WDR3: variants seen among roughly 807,000 people sequenced by gnomAD.
WDR3 encodes the protein WD repeat domain 3.
A neutral mutation model predicts 123.7 loss-of-function variants in WDR3; 81 were observed. The ratio of observed to expected loss-of-function variants is 0.65; its 90% confidence interval spans 0.55 to 0.79. The LOEUF is 0.79. Ranked by LOEUF, WDR3 falls within the 30% of genes least tolerant of loss-of-function variation. The probability of loss-of-function intolerance (pLI) is 0.00; values close to 1 mark genes in which losing one functional copy is unlikely to be tolerated. For synonymous variants in WDR3, 390 were observed against 388.8 expected, an observed-to-expected ratio of 1.00 and a Z score of -0.04; for missense variants, 1,027 against 1,123.2, an observed-to-expected ratio of 0.91 and a Z score of 1.22.
Position 117,959,576 on chromosome 1 carries a change from A to G in WDR3, c.*129A>G. 9.5e-7 allele frequency: 1 copy of G among 1,048,044 alleles called. No individual in the cohort carries two copies. 64.9% of individuals were successfully genotyped at this position (1,048,044 alleles called of 1,614,324 possible). On this transcript the variant is annotated 3_prime_UTR_variant, in exon 27 of 27. Coordinates refer to ENST00000349139, the MANE Select transcript of WDR3 (RefSeq NM_006784.3). Reference sequence around the variant, plus strand: ...AGATCGCATTGCAGATGATATCAGGATGTGGTTTCCAGCTTTGCCTGAGGG... The same window carrying G: ...AGATCGCATTGCAGATGATATCAGGGTGTGGTTTCCAGCTTTGCCTGAGGG...
chr1:117,929,988 T>A (rs1650645276), intron 1 of WDR3: 1 of 152,524 alleles, frequency 6.6e-6, no homozygotes, highest in African/African-American at 2.4e-5. Flanking sequence ...CGGTTGCGGG[T>A]GCTGAGCAGA....
At chr1:117,944,314 CTGTT>C (rs1432971413) in intron 11 of WDR3, among the ~76,000 whole-genome samples, 1 of 152,166 alleles carries the variant, frequency 6.6e-6, no homozygotes, top group Non-Finnish European at 1.5e-5. Context: ...CCCTTGCTGT[CTGTT>C]TATTCTCAGT....
intron 22 of WDR3, 53 bp from the exon 23 acceptor site, chr1:117,954,527 T>G: frequency 6.5e-7 from 1 of 1,545,094 alleles, no homozygotes. Flanking sequence ...CTATAACAAG[T>G]GCTACCTAAG....
intron 8 of WDR3, among the ~76,000 whole-genome samples, 192 bp downstream of exon 8, chr1:117,941,417 G>A (rs953387046): frequency 2.0e-5 from 3 of 152,128 alleles, no homozygotes; most frequent in African/African-American, 7.2e-5. Flanking sequence ...TATTAGGTTG[G>A]TGGAAAAGTA....
intron 24 of WDR3, 31 bp downstream of exon 24, chr1:117,955,389 ATC>A (rs1225070639): frequency 6.2e-7 from 1 of 1,604,010 alleles, no homozygotes; most frequent in East Asian, 2.2e-5. Flanking sequence ...AATTTTTGTA[ATC>A]TGTCAGCAAA....
intron 26 of WDR3, 87 bp downstream of exon 26, chr1:117,959,090 G>C: frequency 7.3e-7 from 1 of 1,377,022 alleles, no homozygotes; most frequent in South Asian, 1.3e-5. Context: ...TTTGTCTTTA[G>C]CAATACCCAC....
At chr1:117,944,565 T>C (rs1366171713) in intron 11 of WDR3, among the ~76,000 whole-genome samples, 1 of 152,234 alleles carries the variant, frequency 6.6e-6, no homozygotes, top group Non-Finnish European at 1.5e-5. Context: ...AACTTTTATG[T>C]GTCCCAAACC....
chr1:117,951,928 A>T, intron 16 of WDR3, 48 bp from the exon 17 acceptor site: 1 of 1,530,156 alleles, frequency 6.5e-7, no homozygotes, highest in Non-Finnish European at 9.0e-7. Flanking sequence ...TTTTATTCAT[A>T]TACGGAATTC....
chr1:117,946,111 A>G lies in WDR3; in HGVS notation c.1354A>G (p.Met452Val), dbSNP rs1346893777. 4 of 1,612,920 alleles carry G rather than the reference A, an allele frequency of 2.5e-6. No homozygotes were observed. The highest frequency in any genetic ancestry group is 2.2e-5 in the East Asian group (1 of 44,820). The change falls in exon 12 of 27, where the codon ATG (methionine) becomes GTG (valine). Residue 452 changes from methionine to valine, a missense_variant. Met to Val is a conservative substitution (Grantham distance 21). Transcript: ENST00000349139. ...GTCTACACTGCAGTGTATTCGCACA[A>G]TGACCTGTGAATATGCACTTTGCTC... is the stretch of plus-strand genomic sequence containing the variant. ...NRSTLQCIRT[M>V]TCEYALCSFF...
chr1:117,946,262 C>T, intron 12 of WDR3, 83 bp downstream of exon 12: 1 of 1,122,766 alleles, frequency 8.9e-7, no homozygotes, highest in Non-Finnish European at 1.3e-6. Flanking sequence ...TTCTTTTTAG[C>T]ATATTGGAAA....
At position 117,956,929 on chromosome 1, in the gene WDR3, A is replaced by G. The variant is rs1652286444; in HGVS notation, c.2454-139A>G. 4.8e-6 allele frequency: 3 copies of G among 630,286 alleles called. No individual in the cohort carries two copies. The South Asian group carries it at 1.1e-4, about 23-fold the overall frequency. The allele number at this position is 630,286 out of a possible 1,614,324, so 39.0% of individuals were successfully genotyped here. A position where few individuals can be genotyped will look rare whatever the true frequency, so the allele number is the denominator to read the frequency against. ...AAACAAAGAGAGTCATCTAGCTTAC[A>G]GATGAATATTTAACTCTAGGCAAGA... On this transcript the variant is annotated intron_variant, in intron 24 of 26. Transcript: ENST00000349139.
rs776024155 is a variant in WDR3, at chr1:117,933,303, G to A, written c.-17G>A. The A allele has an allele frequency of 1.2e-6, 2 of 1,613,464 alleles. No homozygotes were observed. Among genetic ancestry groups the A allele is most frequent in the East Asian group, 2.2e-5 (1 of 44,878 alleles). On this transcript the variant is annotated 5_prime_UTR_variant, in exon 2 of 27. Coordinates refer to ENST00000349139, the MANE Select transcript of WDR3 (RefSeq NM_006784.3). ...ATATGCACAGATTGCTTCACCTGTG[G>A]TATCAGACATCACAACATGGGGCTC...
intron 22 of WDR3, 134 bp downstream of exon 22, chr1:117,954,233 A>G (rs1178689524): frequency 2.7e-6 from 2 of 751,868 alleles, no homozygotes; most frequent in Non-Finnish European, 4.1e-6. Flanking sequence ...TCACTATATT[A>G]GAAGAAATTG....
Position 117,961,855 on chromosome 1 carries a change from A to C in WDR3, c.*2408A>C, listed in dbSNP as rs1653144927. ...AATGCATTCTAGGTGCTTTCCAAGG[A>C]GTCAGTGTTGTTTAGGCAGCTATTC... On this transcript the variant is annotated 3_prime_UTR_variant, in exon 27 of 27. Coordinates refer to ENST00000349139, the MANE Select transcript of WDR3 (RefSeq NM_006784.3). 1 of 152,492 alleles carries C rather than the reference A, an allele frequency of 6.6e-6. No individual in the cohort carries two copies. The highest frequency in any genetic ancestry group is 1.9e-4 in the East Asian group (1 of 5,194). The allele number at this position is 152,492 out of a possible 1,614,324, so 9.4% of individuals were successfully genotyped here. A position where few individuals can be genotyped will look rare whatever the true frequency, so the allele number is the denominator to read the frequency against.
intron 5 of WDR3, 83 bp from the exon 6 acceptor site, chr1:117,939,394 T>G: frequency 2.9e-6 from 4 of 1,394,056 alleles, no homozygotes; most frequent in Non-Finnish European, 4.1e-6. Context: ...TTTACTACGG[T>G]GTAACAGACT....
chr1:117,957,272 C>G, intron 25 of WDR3, 76 bp downstream of exon 25: 1 of 1,488,392 alleles, frequency 6.7e-7, no homozygotes. Flanking sequence ...AAGCTGTCAA[C>G]ACTTTGGGAT....
chr1:117,949,664 A>T, intron 13 of WDR3, 87 bp from the exon 14 acceptor site: 1 of 1,429,040 alleles, frequency 7.0e-7, no homozygotes, highest in Admixed American at 2.2e-5. Context: ...TTAAATAAAA[A>T]TACTTTCTTA....
At position 117,949,763 on chromosome 1, in the gene WDR3, A is replaced by G. The variant is rs542279648; in HGVS notation, c.1537A>G (p.Thr513Ala). ...SLSPDQRGFV[T>A]GGADKSVKFW... The stretch of plus-strand genomic sequence containing the variant: ...ATTTGATTTTCAGCGTGGCTTTGTG[A>G]CAGGTGGTGCAGATAAATCTGTCAA... Residue 513 changes from threonine (T) to alanine (A), a missense_variant, in exon 14 of 27, where the codon ACA (threonine) becomes GCA (alanine). Coordinates refer to ENST00000349139, the MANE Select transcript of WDR3 (RefSeq NM_006784.3). 1 of 1,613,646 alleles carries G rather than the reference A, an allele frequency of 6.2e-7. No homozygotes were observed. Among genetic ancestry groups the G allele is most frequent in the East Asian group, 2.2e-5 (1 of 44,860 alleles).
chr1:117,958,866 C>A, intron 25 of WDR3, 44 bp from the exon 26 acceptor site: 1 of 1,535,572 alleles, frequency 6.5e-7, no homozygotes, highest in Non-Finnish European at 9.0e-7. Context: ...TTAAGTAGGG[C>A]TAGAACCTCT....
Sources: allele counts gnomAD v4.1 joint callset (sites outside exome capture counted in the v4.1 genomes callset), GRCh38; gene constraint gnomAD v4.1.1; transcripts MANE v1.5; gene names NCBI Gene and HGNC (gene_info 2026-07-23, HGNC 2026-07-21).